Variants in SATL1 observed in about 807,000 individuals in gnomAD.
SATL1 encodes spermidine/spermine N1-acetyl transferase like 1, also known as spermidine/spermine N(1)-acetyltransferase-like protein 1.
SATL1 carries 47 observed loss-of-function variants against 51.8 expected under a neutral mutation model. That is an observed-to-expected ratio of 0.91 (90% CI 0.72 to 1.16). SATL1 has a LOEUF of 1.16. Among genes scored for constraint, SATL1 ranks in the 50% most tolerant of loss-of-function variants. The pLI is 0.00. For missense variants in SATL1, 520 were observed against 526.4 expected, an observed-to-expected ratio of 0.99 and a Z score of 0.12; for synonymous variants, 176 against 182.4, an observed-to-expected ratio of 0.97 and a Z score of 0.28.
chrX:85,126,107 A>G (rs1925619761), intron 2 of SATL1, among the ~76,000 whole-genome samples: 1 of 110,788 alleles, frequency 9.0e-6, no homozygotes, highest in Admixed American at 9.7e-5. Flanking sequence ...AATGCAAACC[A>G]CAATACATTT....
At chrX:85,092,638 G>T (rs1924560474) in intron 7 of SATL1, 77 bp from the exon 8 acceptor site, 1 of 939,654 alleles carries the variant, frequency 1.1e-6, no homozygotes, top group Admixed American at 2.7e-5. Context: ...TTTATTGAAG[G>T]TCTACTCTAT....
At chrX:85,204,188 C>T (rs1473936913) in intron 2 of SATL1, among the ~76,000 whole-genome samples, 1 of 111,703 alleles carries the variant, frequency 9.0e-6, no homozygotes, top group Non-Finnish European at 1.9e-5. Context: ...CTGCTTCCCT[C>T]AGTGGGGGAG....
Position 85,182,629 on chromosome X carries a change from T to C in SATL1, c.-313+41576A>G, listed in dbSNP as rs150035387. Among the ~76,000 whole-genome samples the C allele has an allele frequency of 9.3e-3, 1,044 of 111,988 alleles. 17 individuals carry two copies. The highest frequency in any genetic ancestry group is 0.032 in the African/African-American group (982 of 30,840). ...GTAGAATTGCTAAATCATATGTTAGTTCTATTTTTAGTTTTTTGAGGAACT... is the reference window on the plus strand; with the variant it reads ...GTAGAATTGCTAAATCATATGTTAGCTCTATTTTTAGTTTTTTGAGGAACT... On this transcript the variant is annotated intron_variant, in intron 2 of 7. Transcript: ENST00000644105.
intron 2 of SATL1, among the ~76,000 whole-genome samples, chrX:85,214,848 C>A (rs1206792495): frequency 3.6e-5 from 4 of 111,756 alleles, no homozygotes; most frequent in African/African-American, 1.3e-4. Flanking sequence ...ACTTTGACTC[C>A]ATGTCTTGCA....
intron 2 of SATL1, among the ~76,000 whole-genome samples, chrX:85,178,978 T>G (rs1927142735): frequency 8.9e-6 from 1 of 111,990 alleles, no homozygotes; most frequent in African/African-American, 3.2e-5. Flanking sequence ...GTAAATTGAT[T>G]AACTCTTGAC....
chrX:85,121,301 T>A (rs1028554809), intron 2 of SATL1, among the ~76,000 whole-genome samples: 3 of 105,319 alleles, frequency 2.8e-5, no homozygotes, highest in African/African-American at 1.0e-4. Flanking sequence ...GAGAATAATA[T>A]GTATATATAA....
At chrX:85,216,968 G>A (rs745594203) in intron 2 of SATL1, among the ~76,000 whole-genome samples, 1 of 112,009 alleles carries the variant, frequency 8.9e-6, no homozygotes, top group South Asian at 3.7e-4. Context: ...GCCTGGGTCA[G>A]ATAATCTTTT....
intron 2 of SATL1, among the ~76,000 whole-genome samples, chrX:85,145,935 C>T (rs1187885359): frequency 1.2e-4 from 12 of 102,438 alleles, no homozygotes; most frequent in Admixed American, 7.7e-4. Context: ...CTCGCTCTGT[C>T]GCCTGGGCTG....
chrX:85,215,520 C>T (rs906566523), intron 2 of SATL1, among the ~76,000 whole-genome samples: 2 of 111,931 alleles, frequency 1.8e-5, no homozygotes, highest in African/African-American at 6.5e-5. Flanking sequence ...CATCCCTTTA[C>T]TCCCAGATAA....
chrX:85,124,385 T>C (rs66602733), intron 2 of SATL1, among the ~76,000 whole-genome samples: 15,576 of 111,366 alleles, frequency 0.14, 1,717 homozygotes, highest in African/African-American at 0.37. Context: ...GAAATGTTAC[T>C]TAATCTTTCT....
At chrX:85,219,936 G>A (rs373901697) in intron 2 of SATL1, among the ~76,000 whole-genome samples, 4 of 106,557 alleles carry the variant, frequency 3.8e-5, no homozygotes, top group South Asian at 4.3e-4. Flanking sequence ...TATAAGAACC[G>A]AAATTCAGGT....
intron 2 of SATL1, among the ~76,000 whole-genome samples, chrX:85,132,466 C>T (rs1463067315): frequency 9.0e-6 from 1 of 111,435 alleles, no homozygotes; most frequent in African/African-American, 3.3e-5. Context: ...GTGCATGTGT[C>T]ACATATTTCT....
intron 2 of SATL1, among the ~76,000 whole-genome samples, chrX:85,187,577 G>A (rs1314941577): frequency 9.0e-6 from 1 of 111,665 alleles, no homozygotes. Context: ...TGAGATGATC[G>A]TATGGTTTTT....
At chrX:85,172,039 C>G (rs930218055) in intron 2 of SATL1, among the ~76,000 whole-genome samples, 1 of 111,323 alleles carries the variant, frequency 9.0e-6, no homozygotes, top group African/African-American at 3.2e-5. Context: ...GCCACAATTT[C>G]CTGAATTCTT....
chrX:85,149,034 A>T (rs1377583048), intron 2 of SATL1, among the ~76,000 whole-genome samples: 1 of 111,921 alleles, frequency 8.9e-6, no homozygotes, highest in East Asian at 2.8e-4. Flanking sequence ...TGGCATAAAG[A>T]GTCAAGACCC....
intron 2 of SATL1, among the ~76,000 whole-genome samples, chrX:85,187,687 TACC>T (rs1927343314): frequency 8.9e-6 from 1 of 111,770 alleles, no homozygotes; most frequent in Non-Finnish European, 1.9e-5. Context: ...CATGGTGTAT[TACC>T]TTTTTGATAT....
chrX:85,155,027 A>G (rs943221934), intron 2 of SATL1, among the ~76,000 whole-genome samples: 1 of 111,349 alleles, frequency 9.0e-6, no homozygotes, highest in Non-Finnish European at 1.9e-5. Flanking sequence ...AGCCTCAGAT[A>G]TTTGTCTCTG....
intron 2 of SATL1, among the ~76,000 whole-genome samples, chrX:85,174,409 G>A (rs1004942036): frequency 9.3e-6 from 1 of 107,635 alleles, no homozygotes; most frequent in Non-Finnish European, 1.9e-5. Context: ...TGCAACCTCC[G>A]CCTCCTGGGT....
chrX:85,186,345 C>T (rs1334371778), intron 2 of SATL1, among the ~76,000 whole-genome samples: 1 of 109,547 alleles, frequency 9.1e-6, no homozygotes, highest in Non-Finnish European at 1.9e-5. Context: ...TTGGCTGCCC[C>T]AGCTGTTGTC....
Sources: gnomAD v4.1 joint callset for allele counts (sites outside exome capture counted in the v4.1 genomes callset) on GRCh38, gnomAD v4.1.1 for gene constraint, MANE v1.5 for transcripts, NCBI Gene and HGNC (gene_info 2026-07-23, HGNC 2026-07-21) for gene names.